ALG5: variants seen among roughly 807,000 people sequenced by gnomAD.
ALG5 encodes ALG5 dolichyl-phosphate beta-glucosyltransferase.
In ALG5, 26 loss-of-function variants were observed where a neutral mutation model predicts 51.8. The observed-to-expected ratio is 0.50, with a 90% CI of 0.37 to 0.70. The LOEUF is 0.70. Among genes scored for constraint, ALG5 ranks in the 30% least tolerant of loss-of-function variants. The pLI is 0.00. For synonymous variants in ALG5, 141 were observed against 136.1 expected, an observed-to-expected ratio of 1.04 and a Z score of -0.25; for missense variants, 311 against 399.3, an observed-to-expected ratio of 0.78 and a Z score of 1.88.
chr13:36,986,800 G>A (rs908084380), intron 5 of ALG5, among the ~76,000 whole-genome samples: 2 of 152,180 alleles, frequency 1.3e-5, no homozygotes, highest in South Asian at 4.1e-4. Flanking sequence ...AGTGGCACAT[G>A]CCTGTAGTCC....
Position 36,965,715 on chromosome 13 carries a change from G to A in ALG5, c.633C>T (p.Phe211=). The A allele has an allele frequency of 6.2e-7, 1 of 1,610,628 alleles. No individual in the cohort carries two copies. The highest frequency in any genetic ancestry group is 8.5e-7 in the Non-Finnish European group (1 of 1,179,086). ...EKESIAQRSY[F]RTLLMYGFHF... is the part of the protein sequence containing the mutation. ...GGAACCCATACATGAGAAGAGTACG[G>A]AAGTAAGAACGCTGAAAACAAAGAC... is the stretch of plus-strand genomic sequence containing the variant. Residue 211 remains phenylalanine (F), a synonymous_variant, in exon 8 of 10, where the codon TTC becomes TTT. Transcript: ENST00000239891.
At chr13:36,968,533 G>T (rs1358468854) in intron 7 of ALG5, among the ~76,000 whole-genome samples, 1 of 152,148 alleles carries the variant, frequency 6.6e-6, no homozygotes, top group African/African-American at 2.4e-5. Flanking sequence ...AGAACACATG[G>T]GAATGTAAGC....
intron 1 of ALG5, among the ~76,000 whole-genome samples, chr13:36,997,345 C>T (rs748033125): frequency 3.2e-4 from 49 of 151,330 alleles, no homozygotes; most frequent in Non-Finnish European, 5.6e-4. Flanking sequence ...TGGTGGTAGG[C>T]GCCTGTAATC....
At chr13:36,997,841 T>A (rs1023529940) in intron 1 of ALG5, among the ~76,000 whole-genome samples, 1 of 152,124 alleles carries the variant, frequency 6.6e-6, no homozygotes, top group Non-Finnish European at 1.5e-5. Context: ...GAAGACAGGA[T>A]GAGGTTTTGA....
chr13:36,983,137 A>G (rs757586161), intron 6 of ALG5, among the ~76,000 whole-genome samples: 11 of 152,160 alleles, frequency 7.2e-5, no homozygotes, highest in Non-Finnish European at 1.3e-4. Flanking sequence ...AAATCATTTA[A>G]ATTATCTTTG....
chr13:36,982,643 T>C (rs2058985083), intron 6 of ALG5, among the ~76,000 whole-genome samples: 1 of 152,240 alleles, frequency 6.6e-6, no homozygotes. Flanking sequence ...TTCTTCTAAT[T>C]TCTCTATGCA....
intron 6 of ALG5, among the ~76,000 whole-genome samples, chr13:36,974,979 G>A (rs931349670): frequency 6.6e-6 from 1 of 152,158 alleles, no homozygotes; most frequent in African/African-American, 2.4e-5. Context: ...TTGGGTGGCC[G>A]AGGCAGGCAC....
intron 6 of ALG5, among the ~76,000 whole-genome samples, chr13:36,985,108 T>C (rs770399029): frequency 6.6e-6 from 1 of 151,684 alleles, no homozygotes; most frequent in Non-Finnish European, 1.5e-5. Flanking sequence ...CCTGAGCGTT[T>C]GCCAAATTCA....
Position 36,995,411 on chromosome 13 carries a change from A to G in ALG5, c.238+14T>C. On this transcript the variant is annotated intron_variant, in intron 2 of 9. Transcript: ENST00000239891. ...CAAACTACCCTTTACCAAAAAAATC[A>G]AAACAGGGCTTACACCGTTTTTCTT... is the stretch of plus-strand genomic sequence containing the variant. 6.3e-7 allele frequency: 1 copy of G among 1,586,786 alleles called. No individual in the cohort carries two copies. The highest frequency in any genetic ancestry group is 8.5e-7 in the Non-Finnish European group (1 of 1,172,424).
intron 6 of ALG5, among the ~76,000 whole-genome samples, chr13:36,975,574 T>C (rs952839785): frequency 4.6e-5 from 7 of 152,252 alleles, no homozygotes; most frequent in Non-Finnish European, 1.0e-4. Context: ...CTTTGACTAT[T>C]TGCCTATTTG....
intron 1 of ALG5, among the ~76,000 whole-genome samples, chr13:36,997,466 C>CAAAAAAA (rs57878611): frequency 1.3e-5 from 1 of 78,130 alleles, no homozygotes; most frequent in African/African-American, 4.9e-5. Flanking sequence ...GACTCCGTCT[C>CAAAAAAA]AAAAAAAAAA....
chr13:36,997,016 T>C (rs1453004558), intron 1 of ALG5, among the ~76,000 whole-genome samples: 2 of 152,200 alleles, frequency 1.3e-5, no homozygotes, highest in Admixed American at 1.3e-4. Flanking sequence ...CACAATTTTT[T>C]CTTGATTAAA....
intron 6 of ALG5, among the ~76,000 whole-genome samples, chr13:36,980,260 A>T (rs2058973678): frequency 6.6e-6 from 1 of 152,062 alleles, no homozygotes; most frequent in Admixed American, 6.6e-5. Context: ...TTTGAGACAG[A>T]GTCTCTCTCT....
chr13:36,983,719 G>A lies in ALG5; in HGVS notation c.561+1908C>T, dbSNP rs536829463. ...GAGCAATGGTATGAATATCTTTACA[G>A]CTAATTCTCTTAAGAATTATATTAG... is the stretch of plus-strand genomic sequence containing the variant. On this transcript the variant is annotated intron_variant, in intron 6 of 9. Transcript: ENST00000239891. 5.3e-5 allele frequency among the ~76,000 whole-genome samples: 8 copies of A among 152,046 alleles called. No individual in the cohort carries two copies. In the South Asian group the frequency reaches 1.7e-3, roughly 32 times the overall value.
chr13:36,978,812 A>T (rs1462638474), intron 6 of ALG5, among the ~76,000 whole-genome samples: 2 of 150,012 alleles, frequency 1.3e-5, no homozygotes, highest in Non-Finnish European at 3.0e-5. Flanking sequence ...GCTGTTTGGG[A>T]GGCTGAGGCA....
chr13:36,978,012 G>A (rs1312060191), intron 6 of ALG5, among the ~76,000 whole-genome samples: 4 of 149,120 alleles, frequency 2.7e-5, no homozygotes, highest in Admixed American at 6.7e-5. Flanking sequence ...TCAGCCTCCC[G>A]AGTAGCTGCG....
intron 7 of ALG5, chr13:36,967,618 T>C (rs2058900942): frequency 3.1e-6 from 1 of 324,184 alleles, no homozygotes; most frequent in Non-Finnish European, 6.1e-6. Context: ...GATCTAGCAC[T>C]TCTCATTTAT....
At chr13:36,978,174 C>A (rs2058962735) in intron 6 of ALG5, among the ~76,000 whole-genome samples, 2 of 147,990 alleles carry the variant, frequency 1.4e-5, no homozygotes, top group Non-Finnish European at 1.5e-5. Context: ...GCATGAGTCA[C>A]TGCGCCCCAC....
intron 3 of ALG5, 87 bp from the exon 4 acceptor site, chr13:36,993,759 T>G: frequency 2.9e-6 from 3 of 1,030,784 alleles, no homozygotes; most frequent in South Asian, 1.3e-5. Flanking sequence ...AAAAAACAAC[T>G]GCTTTAGTGT....
Sources: allele counts gnomAD v4.1 joint callset (sites outside exome capture counted in the v4.1 genomes callset), GRCh38; gene constraint gnomAD v4.1.1; transcripts MANE v1.5; gene names NCBI Gene and HGNC (gene_info 2026-07-23, HGNC 2026-07-21).